The following FANCI variants were observed in gnomAD, a reference collection of about 807,000 sequenced individuals.
FANCI encodes Fanconi anemia group I protein.
A neutral mutation model predicts 176.1 loss-of-function variants in FANCI; 156 were observed. The observed-to-expected ratio is 0.89, with a 90% CI of 0.78 to 1.01. FANCI has a LOEUF of 1.01. Ranked by LOEUF, FANCI falls within the 50% of genes least tolerant of loss-of-function variation. The pLI, the probability that FANCI is intolerant of heterozygous loss-of-function variation, is 0.00. For synonymous variants in FANCI, 613 were observed against 541.7 expected (o/e 1.13, Z -1.83); for missense variants, 1,678 against 1,534.1 (o/e 1.09, Z -1.57).
At chr15:89,291,909 C>T (rs1459293124) in intron 20 of FANCI, among the ~76,000 whole-genome samples, 195 bp downstream of exon 20, 1 of 152,146 alleles carries the variant, frequency 6.6e-6, no homozygotes, top group African/African-American at 2.4e-5. Context: ...CATGTTAGCC[C>T]TTTACTAAAT....
Position 89,274,239 on chromosome 15 carries a change from T to C in FANCI, c.1047T>C (p.Phe349=), listed in dbSNP as rs1490208465. 6.2e-7 allele frequency: 1 copy of C among 1,612,016 alleles called. No individual in the cohort carries two copies. The highest frequency in any genetic ancestry group is 1.1e-5 in the South Asian group (1 of 90,790). ...KDLQLLQGSK[F]LQNLVPHRSY... Reference sequence around the variant, plus strand: ...TTCAACTCCTCCAAGGCTCAAAATTTCTTCAGAATCTAGTTCCTCATAGAT... The same window carrying C: ...TTCAACTCCTCCAAGGCTCAAAATTCCTTCAGAATCTAGTTCCTCATAGAT... The change falls in exon 12 of 38, where the codon TTT becomes TTC. Residue 349 remains phenylalanine, a synonymous_variant. Transcript: ENST00000310775.
At chr15:89,290,441 T>C in intron 19 of FANCI, 160 bp downstream of exon 19, 1 of 650,552 alleles carries the variant, frequency 1.5e-6, no homozygotes, top group South Asian at 1.7e-5. Context: ...GGTTGTCTTA[T>C]CTCGGTCACC....
At position 89,292,946 on chromosome 15, in the gene FANCI, A is replaced by C; in HGVS notation, c.2174A>C (p.Lys725Thr). The C allele has an allele frequency of 6.2e-7, 1 of 1,614,122 alleles. No homozygotes were observed. Among genetic ancestry groups the C allele is most frequent in the Non-Finnish European group, 8.5e-7 (1 of 1,180,014 alleles). Reference sequence around the variant, plus strand: ...TTTTTATCTTGTGTCTTTTAGGATAAATCAGCAGATTTTTCTCAGAGCACC... The same window carrying C: ...TTTTTATCTTGTGTCTTTTAGGATACATCAGCAGATTTTTCTCAGAGCACC... ...KSELEDFELD[K>T]SADFSQSTSI... Residue 725 changes from lysine (K) to threonine (T), a missense_variant, in exon 22 of 38, where the codon AAA (lysine) becomes ACA (threonine). By Grantham distance (78) the Lys-to-Thr change is moderately conservative. This residue lies in a region of FANCI where 1,204 missense variants were observed against 1,077.4 expected (regional missense o/e 1.12). Transcript: ENST00000310775.
chr15:89,298,388 C>T (rs62022561), intron 24 of FANCI, among the ~76,000 whole-genome samples: 8,313 of 152,134 alleles, frequency 0.055, 266 homozygotes, highest in Middle Eastern at 0.088. Context: ...TTTTAAATAG[C>T]CCATAGTCAA....
chr15:89,299,719 T>C (rs2054455916), intron 24 of FANCI, 81 bp from the exon 25 acceptor site: 1 of 1,425,572 alleles, frequency 7.0e-7, no homozygotes, highest in African/African-American at 1.4e-5. Context: ...ACTGTTCACC[T>C]ACAGGGTAAG....
chr15:89,265,783 A>T (rs1040982236), intron 9 of FANCI, among the ~76,000 whole-genome samples: 1 of 151,914 alleles, frequency 6.6e-6, no homozygotes, highest in Non-Finnish European at 1.5e-5. Flanking sequence ...CGGCCTCCCA[A>T]AGTGCTGGGA....
chr15:89,305,171 TA>T lies in FANCI; in HGVS notation c.3116del (p.Tyr1039LeufsTer22), dbSNP rs772733800. ...CTTGCTCTTCAGCCTGCATGTTTCG[TA>T]TAAGAGTCCTGTCATTCTGCTGCGT... ...MNLLFSLHVS[Y>X]KSPVILLRDL... is the part of the protein sequence containing the mutation. On this transcript the variant is annotated frameshift_variant, in exon 29 of 38. Coordinates refer to ENST00000310775, the MANE Select transcript of FANCI (RefSeq NM_001113378.2). LOFTEE classifies it high-confidence loss of function. 3 of 1,614,120 alleles carry T rather than the reference TA, an allele frequency of 1.9e-6. No homozygotes were observed. In the African/African-American group the frequency reaches 4.0e-5, roughly 22 times the overall value.
rs145249773 is a variant in FANCI at position 89,285,315 on chromosome 15, TCTTA to T, written c.1821+101_1821+104del. On this transcript the variant is annotated intron_variant, in intron 18 of 37. Coordinates refer to ENST00000310775, the MANE Select transcript of FANCI (RefSeq NM_001113378.2). Reference sequence around the variant, plus strand: ...GATTATAAAAGTACAATAGCTATGCTCTTACTTGATGTAGTCAGCACCAGTAGCT... The same window carrying T: ...GATTATAAAAGTACAATAGCTATGCTCTTGATGTAGTCAGCACCAGTAGCT... 2,764 of 1,488,902 alleles carry T rather than the reference TCTTA, an allele frequency of 1.9e-3. 4 individuals are homozygous for T. Among genetic ancestry groups the T allele is most frequent in the Non-Finnish European group, 2.1e-3 (2,335 of 1,090,194 alleles). 92.2% of individuals were successfully genotyped at this position (1,488,902 alleles called of 1,614,324 possible).
rs1361303371 is a variant in FANCI at position 89,316,832 on chromosome 15, A to AAGAT, written c.*376_*379dup. Reference sequence around the variant, plus strand: ...GGTAAATATCCAGCGCTTCACCTGAAAGATAGTGCAAATTGGTTAGGATGC... The same window carrying AAGAT: ...GGTAAATATCCAGCGCTTCACCTGAAAGATAGATAGTGCAAATTGGTTAGGATGC... On this transcript the variant is annotated 3_prime_UTR_variant, in exon 38 of 38. Transcript: ENST00000310775. 7.5e-6 allele frequency: 12 copies of AAGAT among 1,610,618 alleles called. No individual in the cohort carries two copies. Among genetic ancestry groups the AAGAT allele is most frequent in the Admixed American group, 5.0e-5 (3 of 60,002 alleles).
chr15:89,275,083 C>CT (rs530017776), intron 12 of FANCI, among the ~76,000 whole-genome samples: 5,308 of 114,966 alleles, frequency 0.046, 446 homozygotes, highest in African/African-American at 0.15. Context: ...GGCCTTTCTT[C>CT]TTTTTTTTTT....
rs201681594 is a variant in FANCI, at chr15:89,263,951, A to G, written c.594A>G (p.Ala198=). 4 of 1,614,004 alleles carry G rather than the reference A, an allele frequency of 2.5e-6. No homozygotes were observed. In the African/African-American group the frequency reaches 5.3e-5, roughly 22 times the overall value. Residue 198 remains alanine (A), a synonymous_variant, in exon 8 of 38, where the codon GCA becomes GCG. Transcript: ENST00000310775. ...AEEVEFVVEK[A]LSMFSKMNLQ... is the part of the protein sequence containing the mutation. ...AGGTGGAATTTGTGGTGGAAAAAGC[A>G]TTGAGCATGTTCTCCAAGATGAATC...
chr15:89,295,598 G>A (rs1160633870), intron 24 of FANCI, among the ~76,000 whole-genome samples: 1 of 152,034 alleles, frequency 6.6e-6, no homozygotes, highest in East Asian at 1.9e-4. Context: ...CCTGGGAGGC[G>A]GAGGTTGCAG....
chr15:89,299,026 T>A (rs1273402884), intron 24 of FANCI, among the ~76,000 whole-genome samples: 1 of 151,846 alleles, frequency 6.6e-6, no homozygotes, highest in African/African-American at 2.4e-5. Context: ...ATACAAAAAT[T>A]AGCTGGGCGT....
At chr15:89,298,482 T>C (rs7170109) in intron 24 of FANCI, among the ~76,000 whole-genome samples, 86,013 of 151,984 alleles carry the variant, frequency 0.57, 26,135 homozygotes, top group African/African-American at 0.81. Flanking sequence ...CCAGCCAAAG[T>C]GCTATTGAGG....
Position 89,311,497 on chromosome 15 carries a change from GATCTAAGGAGTTCCAAC to G in FANCI, c.3652-1405_3652-1389del, listed in dbSNP as rs966245949. On this transcript the variant is annotated intron_variant, in intron 34 of 37. Coordinates refer to ENST00000310775, the MANE Select transcript of FANCI (RefSeq NM_001113378.2). ...GTTGGAATGGGCAGGGAACAGGGTT[GATCTAAGGAGTTCCAAC>G]AGGGCCCCATCTTGGACACAACCTC... is the stretch of plus-strand genomic sequence containing the variant. Among the ~76,000 whole-genome samples the G allele has an allele frequency of 2.2e-3, 329 of 152,090 alleles. 2 individuals carry two copies. Among genetic ancestry groups the G allele is most frequent in the African/African-American group, 7.5e-3 (310 of 41,368 alleles).
Position 89,299,906 on chromosome 15 carries a change from A to G in FANCI, c.2743A>G (p.Ile915Val). ...SLLCLEGLQK[I>V]FSAVQQFYQP... ...GCTGTGCTTGGAGGGTTTACAGAAA[A>G]TATTCAGTGCTGTGCAACAGTTCTA... The change falls in exon 25 of 38, where the codon ATA (isoleucine) becomes GTA (valine). Residue 915 changes from isoleucine (I) to valine (V), a missense_variant. Physicochemically the swap from Ile to Val is conservative, Grantham distance 29 (BLOSUM62 3). Coordinates refer to ENST00000310775, the MANE Select transcript of FANCI (RefSeq NM_001113378.2). 1.2e-6 allele frequency: 2 copies of G among 1,614,102 alleles called. No homozygotes were observed. The highest frequency in any genetic ancestry group is 8.5e-7 in the Non-Finnish European group (1 of 1,179,996).
At position 89,315,290 on chromosome 15, in the gene FANCI, G is replaced by C; in HGVS notation, c.3825G>C (p.Leu1275=). The C allele has an allele frequency of 6.2e-7, 1 of 1,612,996 alleles. No individual in the cohort carries two copies. The highest frequency in any genetic ancestry group is 2.2e-5 in the East Asian group (1 of 44,874). ...IHLSKKSKVN[L]MQHMKLSTSR... is the part of the protein sequence containing the mutation. ...TTACAATCTTGTCATAGGTGAACCT[G>C]ATGCAGCACATGAAGCTCAGCACCT... The change falls in exon 37 of 38, where the codon CTG becomes CTC. Residue 1275 remains leucine, a synonymous_variant. Coordinates refer to ENST00000310775, the MANE Select transcript of FANCI (RefSeq NM_001113378.2).
intron 18 of FANCI, among the ~76,000 whole-genome samples, chr15:89,288,936 C>A (rs531374947): frequency 6.6e-6 from 1 of 151,746 alleles, no homozygotes; most frequent in Admixed American, 6.6e-5. Context: ...CTACCGTGCC[C>A]GGCCCATCTT....
Position 89,316,894 on chromosome 15 carries a change from C to T in FANCI, c.*435C>T. ...CTGTAACTGAGAGCTCAGAAGTGAGCAAAGGAGCTTAATGCTAAGGTCAAA... is the reference window on the plus strand; with the variant it reads ...CTGTAACTGAGAGCTCAGAAGTGAGTAAAGGAGCTTAATGCTAAGGTCAAA... On this transcript the variant is annotated 3_prime_UTR_variant, in exon 38 of 38. Transcript: ENST00000310775. The T allele has an allele frequency of 8.7e-7, 1 of 1,147,198 alleles. No individual in the cohort carries two copies. The highest frequency in any genetic ancestry group is 1.5e-5 in the African/African-American group (1 of 65,966). The allele number at this position is 1,147,198 out of a possible 1,614,324, so 71.1% of individuals were successfully genotyped here.
Sources: allele counts gnomAD v4.1 joint callset (sites outside exome capture counted in the v4.1 genomes callset), GRCh38; gene constraint gnomAD v4.1.1; regional missense constraint gnomAD v4.1.1; transcripts MANE v1.5; gene names NCBI Gene and HGNC (gene_info 2026-07-23, HGNC 2026-07-21).